Variants in BLTP3B observed in about 807,000 individuals in gnomAD.
The protein encoded by BLTP3B is bridge-like lipid transfer protein family member 3B.
At chr12:100,067,977 T>G in the BLTP3B span, among the ~76,000 whole-genome samples, 1 of 152,182 alleles carries the variant, frequency 6.6e-6, no homozygotes, top group African/African-American at 2.4e-5. Flanking sequence ...ACCATCATTC[T>G]TCACAGAACT....
chr12:100,086,362 G>GT, the BLTP3B span: 1 of 438,220 alleles, frequency 2.3e-6, no homozygotes, highest in Non-Finnish European at 4.1e-6. Context: ...TTTGACTCTG[G>GT]GAAAAAAAAA....
the BLTP3B span, chr12:100,048,229 G>C: frequency 1.7e-5 from 26 of 1,543,046 alleles, no homozygotes; most frequent in Admixed American, 2.2e-5. Context: ...AATGTTTGTA[G>C]CATTATTCAA....
chr12:100,138,139 GAACT>G, the BLTP3B span, among the ~76,000 whole-genome samples: 2 of 152,126 alleles, frequency 1.3e-5, no homozygotes, highest in South Asian at 4.1e-4. Flanking sequence ...TCACAACAAA[GAACT>G]ATCTATTTCA....
chr12:100,102,630 T>C, the BLTP3B span: 623 of 604,382 alleles, frequency 1.0e-3, 1 homozygote, highest in Non-Finnish European at 1.5e-3. Context: ...AACTTTGCAA[T>C]GTATATAACT....
chr12:100,117,305 C>A, the BLTP3B span, among the ~76,000 whole-genome samples: 22 of 152,068 alleles, frequency 1.4e-4, no homozygotes, highest in Non-Finnish European at 3.2e-4. Context: ...ACGTCAACAT[C>A]GGCAATAAGA....
At chr12:100,084,378 T>TGA in the BLTP3B span, 1 of 634,358 alleles carries the variant, frequency 1.6e-6, no homozygotes, top group Non-Finnish European at 2.4e-6. Flanking sequence ...AATACTATGA[T>TGA]CACACACACA....
chr12:100,048,735 GGAGA>G, the BLTP3B span, among the ~76,000 whole-genome samples: 616 of 119,492 alleles, frequency 5.2e-3, 4 homozygotes, highest in Non-Finnish European at 7.2e-3. Flanking sequence ...GTAAGGGGGG[GGAGA>G]GAGAGAGAGA....
the BLTP3B span, among the ~76,000 whole-genome samples, chr12:100,061,108 T>C: frequency 6.6e-6 from 1 of 152,172 alleles, no homozygotes; most frequent in Non-Finnish European, 1.5e-5. Context: ...AAATTACAAT[T>C]TAAGTCTATC....
chr12:100,090,850 C>A, the BLTP3B span, among the ~76,000 whole-genome samples: 4 of 151,936 alleles, frequency 2.6e-5, no homozygotes, highest in African/African-American at 9.7e-5. Context: ...AAATACTCTC[C>A]GGTACTTCTT....
At chr12:100,133,870 GAGAA>G in the BLTP3B span, among the ~76,000 whole-genome samples, 19 of 152,290 alleles carry the variant, frequency 1.2e-4, no homozygotes, top group African/African-American at 4.6e-4. Context: ...ACGATAGCTT[GAGAA>G]AGAGAGAGAT....
the BLTP3B span, chr12:100,088,993 C>T: frequency 1.2e-5 from 19 of 1,611,484 alleles, no homozygotes; most frequent in Non-Finnish European, 7.6e-6. Context: ...GTTTCCTTAA[C>T]ATCAAAATCA....
chr12:100,059,806 A>G, the BLTP3B span: 2 of 1,551,732 alleles, frequency 1.3e-6, no homozygotes, highest in East Asian at 4.5e-5. Context: ...CATAAAATAA[A>G]AAGAACAAAA....
the BLTP3B span, chr12:100,057,498 T>C: frequency 3.2e-6 from 4 of 1,259,052 alleles, no homozygotes; most frequent in East Asian, 1.0e-4. Context: ...TTACTGAATA[T>C]AACTAAAAGC....
At chr12:100,078,514 G>A in the BLTP3B span, among the ~76,000 whole-genome samples, 1 of 152,178 alleles carries the variant, frequency 6.6e-6, no homozygotes, top group Non-Finnish European at 1.5e-5. Flanking sequence ...ACGACGCAGG[G>A]TGGAGCTGGC....
the BLTP3B span, among the ~76,000 whole-genome samples, chr12:100,040,703 C>CA: frequency 1.9e-4 from 29 of 151,112 alleles, no homozygotes; most frequent in Admixed American, 1.7e-3. Context: ...ACAACAACAA[C>CA]AACAAAAAAA....
chr12:100,098,493 T>G, the BLTP3B span: 1 of 1,613,578 alleles, frequency 6.2e-7, no homozygotes, highest in Non-Finnish European at 8.5e-7. Context: ...CTATAGAATT[T>G]ACAGAAACAG....
At chr12:100,113,733 A>G in the BLTP3B span, among the ~76,000 whole-genome samples, 1 of 152,078 alleles carries the variant, frequency 6.6e-6, no homozygotes, top group Non-Finnish European at 1.5e-5. Flanking sequence ...CAAGGTAGGA[A>G]GATAACTTGA....
At chr12:100,102,979 T>G in the BLTP3B span, 3 of 599,396 alleles carry the variant, frequency 5.0e-6, no homozygotes, top group Non-Finnish European at 7.9e-6. Flanking sequence ...GTGAGCAGAG[T>G]CATTTAAGTG....
the BLTP3B span, chr12:100,057,594 T>A: frequency 6.2e-7 from 1 of 1,608,700 alleles, no homozygotes. Context: ...CATATGGCTA[T>A]CACTTCCATC....
Sources: gnomAD v4.1 joint callset for allele counts (sites outside exome capture counted in the v4.1 genomes callset) on GRCh38, gnomAD v4.1.1 for gene constraint, MANE v1.5 for transcripts, NCBI Gene and HGNC (gene_info 2026-07-23, HGNC 2026-07-21) for gene names.